Variants in ESR2 observed in about 807,000 individuals in gnomAD.
ESR2 encodes the protein estrogen receptor beta.
A neutral mutation model predicts 49.6 loss-of-function variants in ESR2; 36 were observed. The observed-to-expected ratio is 0.73, with a 90% CI of 0.56 to 0.96. ESR2 has a LOEUF of 0.96. ESR2 is among the 40% of genes least tolerant of loss of function. ESR2 has a pLI of 0.00. For missense variants in ESR2, 714 were observed against 693.0 expected (o/e 1.03, Z -0.34); for synonymous variants, 320 against 266.1 (o/e 1.20, Z -1.97).
intron 3 of ESR2, among the ~76,000 whole-genome samples, chr14:64,278,957 C>T (rs2076610378): frequency 6.6e-6 from 1 of 152,200 alleles, no homozygotes; most frequent in African/African-American, 2.4e-5. Flanking sequence ...ACTGATAGAA[C>T]AGACCCTTTA....
At chr14:64,324,811 C>T (rs940029201) in intron 1 of ESR2, among the ~76,000 whole-genome samples, 1 of 152,246 alleles carries the variant, frequency 6.6e-6, no homozygotes, top group Non-Finnish European at 1.5e-5. Flanking sequence ...TAAGACTTGA[C>T]ATTTAAAAAT....
intron 1 of ESR2, among the ~76,000 whole-genome samples, chr14:64,317,441 C>A (rs548061445): frequency 1.3e-5 from 2 of 152,296 alleles, no homozygotes; most frequent in Admixed American, 1.3e-4. Flanking sequence ...AGCCCAGCAC[C>A]TGACAGCATA....
chr14:64,288,439 C>T lies in ESR2; in HGVS notation c.-90-5364G>A, dbSNP rs1256029. Among the ~76,000 whole-genome samples, 217 of 151,500 alleles carry T rather than the reference C, an allele frequency of 1.4e-3. 2 individuals are homozygous for T. The East Asian group carries it at 0.041, about 28-fold the overall frequency. ...TCTTGGCTCACTGCAAGCTCCACCT[C>T]CCGGGTTCAGCCATTCTCCTGCCTC... On this transcript the variant is annotated intron_variant, in intron 1 of 8. Coordinates refer to ENST00000341099, the MANE Select transcript of ESR2 (RefSeq NM_001437.3).
chr14:64,272,498 C>T (rs1222457763), intron 3 of ESR2, among the ~76,000 whole-genome samples: 8 of 152,100 alleles, frequency 5.3e-5, no homozygotes, highest in East Asian at 1.9e-4. Context: ...AGAGTTTCCC[C>T]GTGTTTTCTT....
intron 4 of ESR2, among the ~76,000 whole-genome samples, chr14:64,264,548 G>A (rs369457122): frequency 1.3e-4 from 20 of 152,164 alleles, no homozygotes; most frequent in East Asian, 5.8e-4. Flanking sequence ...ATGCCATGGC[G>A]GTTTGCTGCA....
At chr14:64,309,129 T>G (rs1226586184) in intron 1 of ESR2, among the ~76,000 whole-genome samples, 1 of 152,194 alleles carries the variant, frequency 6.6e-6, no homozygotes, top group Non-Finnish European at 1.5e-5. Context: ...GTAGCTATTA[T>G]TGCCAGATTC....
upstream of ESR2, among the ~76,000 whole-genome samples, chr14:64,297,176 A>C (rs1436164313): frequency 6.6e-6 from 1 of 152,232 alleles, no homozygotes; most frequent in Non-Finnish European, 1.5e-5. Context: ...ATGGGGATTG[A>C]AATTGTCACC....
At chr14:64,292,757 CATATCA>C (rs1387821324) in intron 1 of ESR2, among the ~76,000 whole-genome samples, 1 of 152,104 alleles carries the variant, frequency 6.6e-6, no homozygotes, top group Admixed American at 6.6e-5. Flanking sequence ...TAAAAGTGAA[CATATCA>C]ATATCTATTA....
chr14:64,310,635 C>G (rs2140881035), intron 1 of ESR2, among the ~76,000 whole-genome samples: 1 of 152,170 alleles, frequency 6.6e-6, no homozygotes, highest in South Asian at 2.1e-4. Context: ...CCACGCCCAA[C>G]TAATTTTTGT....
rs1170408711 is a variant in ESR2 at position 64,310,311 on chromosome 14, A to T, written c.-90-27236T>A. The stretch of plus-strand genomic sequence containing the variant: ...AAATAATAATAATAATAATAATAAT[A>T]ATAATAATTCTGGGTGTAGAGCAGC... On this transcript the variant is annotated intron_variant, in intron 1 of 8. Coordinates refer to the ESR2 transcript ENST00000358599. Among the ~76,000 whole-genome samples the T allele has an allele frequency of 2.1e-3, 317 of 149,344 alleles. 3 individuals are homozygous for T. In the East Asian group the frequency reaches 0.033, roughly 16 times the overall value.
chr14:64,260,595 A>C lies in ESR2; in HGVS notation c.806T>G (p.Val269Gly). The change falls in exon 5 of 9, where the codon GTG becomes GGG. Residue 269 changes from valine (V) to glycine (G), a missense_variant. Coordinates refer to ENST00000341099, the MANE Select transcript of ESR2 (RefSeq NM_001437.3). ...CGGCTCAGCCTCCAGGAGGGTGAGC[A>C]CTAGCTGCTCGGGGCTCAGGGCGTC... ...LLDALSPEQL[V>G]LTLLEAEPPH... The C allele has an allele frequency of 6.2e-7, 1 of 1,610,616 alleles. No homozygotes were observed. Among genetic ancestry groups the C allele is most frequent in the African/African-American group, 1.3e-5 (1 of 74,954 alleles).
At chr14:64,270,853 C>T (rs2076431926) in intron 3 of ESR2, among the ~76,000 whole-genome samples, 3 of 152,126 alleles carry the variant, frequency 2.0e-5, no homozygotes, top group Admixed American at 6.6e-5. Flanking sequence ...AATATTGAAA[C>T]AGTCTTCACA....
At chr14:64,263,248 C>T (rs544390559) in intron 4 of ESR2, among the ~76,000 whole-genome samples, 21 of 152,204 alleles carry the variant, frequency 1.4e-4, no homozygotes, top group African/African-American at 4.8e-4. Context: ...AATAAATTGA[C>T]ATTACTCTAT....
chr14:64,295,137 G>A (rs530573098), upstream of ESR2, among the ~76,000 whole-genome samples: 15 of 152,224 alleles, frequency 9.9e-5, no homozygotes, highest in Non-Finnish European at 2.1e-4. Flanking sequence ...CTGGCTTTAA[G>A]GCAGCTGTTG....
In ESR2 at chr14:64,268,874, A is replaced by G. The variant is rs763191319; in HGVS notation, c.573T>C (p.Cys191=). ...TCTTGCGCCGGTTTTTATCGATTGT[A>G]CACTGATTTGTAGCTGGACAAATAT... ...NDYICPATNQ[C]TIDKNRRKSC... The change falls in exon 4 of 9, where the codon TGT becomes TGC. Residue 191 remains cysteine, a synonymous_variant. Transcript: ENST00000341099. 3.1e-6 allele frequency: 5 copies of G among 1,613,362 alleles called. No individual in the cohort carries two copies. Among genetic ancestry groups the G allele is most frequent in the South Asian group, 1.1e-5 (1 of 91,060 alleles).
intron 1 of ESR2, among the ~76,000 whole-genome samples, chr14:64,293,399 C>T (rs974633674): frequency 1.3e-5 from 2 of 152,194 alleles, no homozygotes; most frequent in African/African-American, 4.8e-5. Context: ...TTTTAAACAG[C>T]GAGTAAAATT....
chr14:64,276,096 C>A (rs1045712966), intron 3 of ESR2, among the ~76,000 whole-genome samples: 7 of 151,984 alleles, frequency 4.6e-5, no homozygotes, highest in Admixed American at 4.6e-4. Flanking sequence ...TATATAATGC[C>A]TGGGTATGAA....
At chr14:64,280,933 C>T (rs1372434775) in intron 2 of ESR2, among the ~76,000 whole-genome samples, 1 of 152,110 alleles carries the variant, frequency 6.6e-6, no homozygotes, top group African/African-American at 2.4e-5. Context: ...TGCTTGAACC[C>T]GGGAGGCAGA....
In ESR2 at chr14:64,230,503, C is replaced by T. The variant is rs964687403; in HGVS notation, c.*2634G>A. ...AGGGGGAGTATTCCAGACCAAGACTCGCACTGTACAGCTCCTGCCGATTTT... is the reference window on the plus strand; with the variant it reads ...AGGGGGAGTATTCCAGACCAAGACTTGCACTGTACAGCTCCTGCCGATTTT... On this transcript the variant is annotated 3_prime_UTR_variant, in exon 9 of 9. Coordinates refer to ENST00000341099, the MANE Select transcript of ESR2 (RefSeq NM_001437.3). Among the ~76,000 whole-genome samples, 1 of 152,104 alleles carries T rather than the reference C, an allele frequency of 6.6e-6. No homozygotes were observed. Among genetic ancestry groups the T allele is most frequent in the Non-Finnish European group, 1.5e-5 (1 of 68,030 alleles).
Sources: gnomAD v4.1 joint callset for allele counts (sites outside exome capture counted in the v4.1 genomes callset) on GRCh38, gnomAD v4.1.1 for gene constraint, MANE v1.5 for transcripts, NCBI Gene and HGNC (gene_info 2026-07-23, HGNC 2026-07-21) for gene names.